Variants in NAA50 observed in about 807,000 individuals in gnomAD.
NAA50 encodes N-alpha-acetyltransferase 50.
NAA50 carries 7 observed loss-of-function variants against 20.7 expected under a neutral mutation model. That is an observed-to-expected ratio of 0.34 (90% CI 0.19 to 0.63). The LOEUF is 0.63. Among genes scored for constraint, NAA50 ranks in the 30% least tolerant of loss-of-function variants. NAA50 has a pLI of 0.75. For missense variants in NAA50, 111 were observed against 199.1 expected, an observed-to-expected ratio of 0.56 and a Z score of 2.66; for synonymous variants, 54 against 70.6, an observed-to-expected ratio of 0.77 and a Z score of 1.18.
chr3:113,739,429 T>C (rs1225086069), intron 1 of NAA50: 1 of 152,210 alleles, frequency 6.6e-6, no homozygotes, highest in Admixed American at 6.5e-5. Context: ...TCAGTACCTT[T>C]TGATCCAGAA....
chr3:113,743,058 T>C (rs958844293), intron 1 of NAA50, among the ~76,000 whole-genome samples: 2 of 152,164 alleles, frequency 1.3e-5, no homozygotes, highest in Admixed American at 1.3e-4. Context: ...TCCTAGTATA[T>C]CTCAAACTTC....
At chr3:113,743,348 T>C (rs1013101483) in intron 1 of NAA50, among the ~76,000 whole-genome samples, 2 of 152,198 alleles carry the variant, frequency 1.3e-5, no homozygotes, top group African/African-American at 4.8e-5. Flanking sequence ...CAATATACAA[T>C]AGAATACTTA....
chr3:113,738,950 T>C (rs1054074870), intron 1 of NAA50, among the ~76,000 whole-genome samples: 1 of 152,198 alleles, frequency 6.6e-6, no homozygotes, highest in African/African-American at 2.4e-5. Flanking sequence ...AAGAATATCA[T>C]CTTTGTTTTA....
chr3:113,746,228 C>A lies in NAA50; in HGVS notation c.-279G>T, dbSNP rs1350355823. The stretch of plus-strand genomic sequence containing the variant: ...TCCCGCCGCTGCCGCCAGCCAGACC[C>A]GCTGCCGCGCTGTGACCTTTCACCC... On this transcript the variant is annotated 5_prime_UTR_variant, in exon 1 of 5. Coordinates refer to ENST00000240922, the MANE Select transcript of NAA50 (RefSeq NM_025146.4). The A allele has an allele frequency of 4.4e-6, 2 of 458,988 alleles. No homozygotes were observed. The highest frequency in any genetic ancestry group is 3.9e-6 in the Non-Finnish European group (1 of 258,802). The allele number at this position is 458,988 out of a possible 1,614,324, so 28.4% of individuals were successfully genotyped here. A position where few individuals can be genotyped will look rare whatever the true frequency, so the allele number is the denominator to read the frequency against.
chr3:113,743,534 C>T (rs80185925), intron 1 of NAA50, among the ~76,000 whole-genome samples: 40 of 152,198 alleles, frequency 2.6e-4, no homozygotes, highest in African/African-American at 4.6e-4. Flanking sequence ...GTTCAGTATC[C>T]GAACAAGCAC....
chr3:113,736,415 C>T (rs1488152339), intron 1 of NAA50, among the ~76,000 whole-genome samples: 3 of 152,266 alleles, frequency 2.0e-5, no homozygotes, highest in Admixed American at 6.5e-5. Flanking sequence ...AGACTCCCAT[C>T]GGCTATTAAT....
chr3:113,724,184 A>G (rs1708172620), intron 1 of NAA50, 89 bp from the exon 2 acceptor site: 3 of 1,292,648 alleles, frequency 2.3e-6, no homozygotes, highest in Non-Finnish European at 3.0e-6. Flanking sequence ...TCTTTTTTAC[A>G]TGATTGATAA....
At chr3:113,742,629 G>C (rs899777850) in intron 1 of NAA50, among the ~76,000 whole-genome samples, 3 of 152,036 alleles carry the variant, frequency 2.0e-5, no homozygotes, top group Non-Finnish European at 2.9e-5. Context: ...TGCTGTCAGA[G>C]GTAACCACTG....
intron 1 of NAA50, among the ~76,000 whole-genome samples, chr3:113,737,048 T>C (rs1239403069): frequency 6.6e-6 from 1 of 152,178 alleles, no homozygotes; most frequent in Non-Finnish European, 1.5e-5. Context: ...CCTATAGTTA[T>C]ACAGACAGTT....
chr3:113,734,534 G>C (rs1006603707), intron 1 of NAA50, among the ~76,000 whole-genome samples: 2 of 152,166 alleles, frequency 1.3e-5, no homozygotes, highest in Non-Finnish European at 2.9e-5. Flanking sequence ...ACAAACTGCA[G>C]TACTTTCCAG....
rs1379391331 is a variant in NAA50, at chr3:113,718,686, G to C, written c.*3074C>G. Reference sequence around the variant, plus strand: ...AATAAACATTACTAACTAGATTGCAGCCTAAAGTGTCAAGTATTTCTAATA... The same window carrying C: ...AATAAACATTACTAACTAGATTGCACCCTAAAGTGTCAAGTATTTCTAATA... On this transcript the variant is annotated 3_prime_UTR_variant, in exon 5 of 5. Coordinates refer to ENST00000240922, the MANE Select transcript of NAA50 (RefSeq NM_025146.4). 6.6e-6 allele frequency: 1 copy of C among 152,136 alleles called. No individual in the cohort carries two copies. The highest frequency in any genetic ancestry group is 2.4e-5 in the African/African-American group (1 of 41,426). 9.4% of individuals were successfully genotyped at this position (152,136 alleles called of 1,614,324 possible).
At chr3:113,741,405 G>A (rs1708413076) in intron 1 of NAA50, among the ~76,000 whole-genome samples, 2 of 152,156 alleles carry the variant, frequency 1.3e-5, no homozygotes, top group South Asian at 2.1e-4. Flanking sequence ...TAGCTCTCAC[G>A]TTCACGATGG....
chr3:113,745,998 T>C lies in NAA50; in HGVS notation c.-49A>G, dbSNP rs377536985. The C allele has an allele frequency of 3.7e-6, 6 of 1,604,964 alleles. No individual in the cohort carries two copies. Among genetic ancestry groups the C allele is most frequent in the African/African-American group, 2.7e-5 (2 of 74,792 alleles). On this transcript the variant is annotated 5_prime_UTR_variant, in exon 1 of 5. Transcript: ENST00000240922. ...GTTACCACCGATATCAACGCCGTCG[T>C]AGTCGCCGCCCTTAGGTCTCCGCAC...
At position 113,717,488 on chromosome 3, in the gene NAA50, T is replaced by C. The variant is rs1472860199; in HGVS notation, c.*4272A>G. ...AGTTAACAACACACATTAAGAAATCTGACTCAAGCTCTTTTTCCCATGTGA... is the reference window on the plus strand; with the variant it reads ...AGTTAACAACACACATTAAGAAATCCGACTCAAGCTCTTTTTCCCATGTGA... On this transcript the variant is annotated 3_prime_UTR_variant, in exon 5 of 5. Coordinates refer to ENST00000240922, the MANE Select transcript of NAA50 (RefSeq NM_025146.4). 4.6e-5 allele frequency: 7 copies of C among 152,226 alleles called. No individual in the cohort carries two copies. The highest frequency in any genetic ancestry group is 4.6e-4 in the Admixed American group (7 of 15,278). 9.4% of individuals were successfully genotyped at this position (152,226 alleles called of 1,614,324 possible).
intron 1 of NAA50, among the ~76,000 whole-genome samples, chr3:113,725,495 G>A (rs1209677817): frequency 6.6e-6 from 1 of 152,098 alleles, no homozygotes; most frequent in Non-Finnish European, 1.5e-5. Context: ...AAAACAGCTG[G>A]GCATGAAGGC....
chr3:113,719,763 AG>A lies in NAA50; in HGVS notation c.*1996del, dbSNP rs1708109938. The A allele has an allele frequency of 6.6e-6, 1 of 152,622 alleles. No individual in the cohort carries two copies. The highest frequency in any genetic ancestry group is 1.9e-4 in the East Asian group (1 of 5,204). The allele number at this position is 152,622 out of a possible 1,614,324, so 9.5% of individuals were successfully genotyped here. ...TATTAGGTTTTCAATAACCACATTT[AG>A]GGATACATTCATAGGACTGATTAGA... On this transcript the variant is annotated 3_prime_UTR_variant, in exon 5 of 5. Transcript: ENST00000240922.
rs1228676050 is a variant in NAA50, at chr3:113,729,409, CA to C, written c.9-5315del. ...AATAAAAGAAAGCTTCAGGTATTTT[CA>C]AATTAGAAAGTGCACAAATATTTAG... On this transcript the variant is annotated intron_variant, in intron 1 of 4. Transcript: ENST00000240922. Among the ~76,000 whole-genome samples the C allele has an allele frequency of 2.0e-5, 3 of 152,192 alleles. No individual in the cohort carries two copies. In the East Asian group the frequency reaches 5.8e-4, roughly 29 times the overall value.
intron 1 of NAA50, among the ~76,000 whole-genome samples, chr3:113,728,321 A>C (rs1708226463): frequency 6.6e-6 from 1 of 152,240 alleles, no homozygotes; most frequent in Non-Finnish European, 1.5e-5. Flanking sequence ...ATTATATTTC[A>C]ATAAATATTT....
At chr3:113,724,207 C>A in intron 1 of NAA50, 112 bp from the exon 2 acceptor site, 2 of 1,164,048 alleles carry the variant, frequency 1.7e-6, no homozygotes, top group South Asian at 2.9e-5. Context: ...CCAACTCTTT[C>A]AGAGTTGATT....
Sources: gnomAD v4.1 joint callset for allele counts (sites outside exome capture counted in the v4.1 genomes callset) on GRCh38, gnomAD v4.1.1 for gene constraint, MANE v1.5 for transcripts, NCBI Gene and HGNC (gene_info 2026-07-23, HGNC 2026-07-21) for gene names.